Variants in CCDC178 observed in about 807,000 individuals in gnomAD.
CCDC178 encodes coiled-coil domain containing 178.
Under a neutral mutation model 117.4 loss-of-function variants are expected in CCDC178, and 126 were observed. The observed-to-expected ratio is 1.07, with a 90% CI of 0.93 to 1.24. CCDC178 has a LOEUF of 1.24. Ranked by LOEUF, CCDC178 falls within the 50% of genes most tolerant of loss-of-function variation. The pLI is 0.00. For missense variants in CCDC178, 1,030 were observed against 986.9 expected (o/e 1.04, Z -0.59); for synonymous variants, 283 against 313.4 (o/e 0.90, Z 1.02).
At chr18:33,189,987 T>G (rs1349976211) in intron 20 of CCDC178, among the ~76,000 whole-genome samples, 1 of 152,140 alleles carries the variant, frequency 6.6e-6, no homozygotes, top group Non-Finnish European at 1.5e-5. Context: ...TTCTCTACTG[T>G]GCAACCAGAT....
chr18:33,183,168 T>C (rs1172588784), intron 20 of CCDC178, among the ~76,000 whole-genome samples: 1 of 152,050 alleles, frequency 6.6e-6, no homozygotes, highest in Non-Finnish European at 1.5e-5. Flanking sequence ...TGTTGTGGTA[T>C]ATAAACAGAG....
intron 21 of CCDC178, among the ~76,000 whole-genome samples, chr18:33,051,873 T>C (rs1489148809): frequency 6.6e-6 from 1 of 152,216 alleles, no homozygotes; most frequent in South Asian, 2.1e-4. Flanking sequence ...ATAAGGCAGC[T>C]GTGTATTCAA....
At chr18:33,361,355 A>G (rs2063125269) in intron 6 of CCDC178, among the ~76,000 whole-genome samples, 1 of 151,718 alleles carries the variant, frequency 6.6e-6, no homozygotes, top group East Asian at 1.9e-4. Flanking sequence ...TGGATAAAAG[A>G]CCTAAATTTA....
At chr18:33,430,240 G>C (rs759135803) in intron 2 of CCDC178, among the ~76,000 whole-genome samples, 2 of 152,036 alleles carry the variant, frequency 1.3e-5, no homozygotes, top group South Asian at 4.1e-4. Context: ...TTTATTCTTA[G>C]ACATTATTTT....
At chr18:33,311,796 T>C (rs564465882) in intron 11 of CCDC178, among the ~76,000 whole-genome samples, 1 of 152,144 alleles carries the variant, frequency 6.6e-6, no homozygotes, top group African/African-American at 2.4e-5. Flanking sequence ...TTTTACTGGA[T>C]GTAGGGTGCA....
intron 14 of CCDC178, among the ~76,000 whole-genome samples, chr18:33,261,975 G>C (rs2059756276): frequency 6.6e-6 from 1 of 151,984 alleles, no homozygotes; most frequent in Admixed American, 6.6e-5. Flanking sequence ...TAATGAATGA[G>C]GTTTTCTCTT....
At chr18:32,990,004 C>T (rs1044591482) in intron 21 of CCDC178, among the ~76,000 whole-genome samples, 6 of 151,926 alleles carry the variant, frequency 3.9e-5, no homozygotes, top group African/African-American at 1.5e-4. Context: ...ACATTGTTCG[C>T]AGCTGTAAAA....
chr18:32,960,591 C>T (rs1336548144), intron 22 of CCDC178, among the ~76,000 whole-genome samples: 1 of 152,066 alleles, frequency 6.6e-6, no homozygotes, highest in African/African-American at 2.4e-5. Flanking sequence ...AAATTAGGTG[C>T]TAATTAAGCA....
At chr18:33,298,044 A>C (rs1312860242) in intron 11 of CCDC178, among the ~76,000 whole-genome samples, 2 of 152,050 alleles carry the variant, frequency 1.3e-5, no homozygotes, top group Non-Finnish European at 2.9e-5. Context: ...CTGTCTGAAA[A>C]AAAAAAAAAG....
chr18:33,147,872 G>C (rs1658653314), intron 20 of CCDC178, among the ~76,000 whole-genome samples: 1 of 152,176 alleles, frequency 6.6e-6, no homozygotes, highest in Non-Finnish European at 1.5e-5. Flanking sequence ...TTCTCAATGA[G>C]CTGTTGGGTA....
chr18:33,133,268 A>G (rs1470757531), intron 20 of CCDC178, among the ~76,000 whole-genome samples: 1 of 151,876 alleles, frequency 6.6e-6, no homozygotes, highest in Non-Finnish European at 1.5e-5. Context: ...GTATGTTATT[A>G]TAGAGTTAAA....
chr18:33,331,907 G>A (rs1229652698), intron 10 of CCDC178, among the ~76,000 whole-genome samples: 1 of 152,150 alleles, frequency 6.6e-6, no homozygotes, highest in Non-Finnish European at 1.5e-5. Flanking sequence ...CAGATACAGA[G>A]GAAGGTATTC....
rs2062182845 is a variant in CCDC178, at chr18:33,301,946, G to A, written c.1023-8634C>T. On this transcript the variant is annotated intron_variant, in intron 11 of 22. Transcript: ENST00000383096. ...GAGGAACCAAGGGTGGAATGATATA[G>A]TTTAAATGTTTGTCCCCTCCAAATC... Among the ~76,000 whole-genome samples the A allele has an allele frequency of 2.6e-5, 4 of 152,146 alleles. No homozygotes were observed. The South Asian group carries it at 8.3e-4, about 32-fold the overall frequency.
chr18:33,113,168 A>G (rs909572946), intron 20 of CCDC178, among the ~76,000 whole-genome samples: 2 of 152,028 alleles, frequency 1.3e-5, no homozygotes, highest in African/African-American at 4.8e-5. Flanking sequence ...AAAAAACACA[A>G]TGAATCATAG....
chr18:33,232,427 G>T (rs1599031196), intron 15 of CCDC178, among the ~76,000 whole-genome samples: 1 of 152,178 alleles, frequency 6.6e-6, no homozygotes, highest in African/African-American at 2.4e-5. Flanking sequence ...CAAAGTTAGA[G>T]AATTTATGTT....
chr18:32,988,110 A>AATCATAATCATAATC (rs1434237648), intron 21 of CCDC178, among the ~76,000 whole-genome samples: 1 of 140,788 alleles, frequency 7.1e-6, no homozygotes, highest in African/African-American at 2.8e-5. Flanking sequence ...TAATAATAAT[A>AATCATAATCATAATC]ATAATAATAA....
intron 22 of CCDC178, 108 bp downstream of exon 22, chr18:32,974,439 T>C: frequency 9.2e-7 from 1 of 1,086,546 alleles, no homozygotes; most frequent in Non-Finnish European, 1.3e-6. Flanking sequence ...AGGTTAAAAA[T>C]TTATAAAACT....
intron 6 of CCDC178, among the ~76,000 whole-genome samples, chr18:33,359,120 G>T (rs560212975): frequency 4.0e-5 from 6 of 151,722 alleles, no homozygotes; most frequent in Admixed American, 1.3e-4. Flanking sequence ...AGAGAGTCAG[G>T]GGAAAATTGG....
At position 33,359,993 on chromosome 18, in the gene CCDC178, G is replaced by T. The variant is rs77105496; in HGVS notation, c.349-3647C>A. Among the ~76,000 whole-genome samples the T allele has an allele frequency of 6.1e-3, 914 of 150,984 alleles. 6 individuals are homozygous for T. Among genetic ancestry groups the T allele is most frequent in the Non-Finnish European group, 8.6e-3 (582 of 67,440 alleles). ...TTTAATGCTATTATTGAGACAAAAAGTATTCATGAAACCTTCTATTTTCCA... is the reference window on the plus strand; with the variant it reads ...TTTAATGCTATTATTGAGACAAAAATTATTCATGAAACCTTCTATTTTCCA... On this transcript the variant is annotated intron_variant, in intron 6 of 22. Coordinates refer to ENST00000383096, the MANE Select transcript of CCDC178 (RefSeq NM_001105528.4).
Sources: allele counts gnomAD v4.1 joint callset (sites outside exome capture counted in the v4.1 genomes callset), GRCh38; gene constraint gnomAD v4.1.1; transcripts MANE v1.5; gene names NCBI Gene and HGNC (gene_info 2026-07-23, HGNC 2026-07-21).